Variants in SETBP1 observed in about 807,000 individuals in gnomAD.
SETBP1 encodes SET-binding protein.
In SETBP1, 9 loss-of-function variants were observed where a neutral mutation model predicts 101.0. The observed-to-expected ratio is 0.09, with a 90% CI of 0.05 to 0.16. The LOEUF (loss-of-function observed/expected upper bound fraction) is 0.16. Ranked by LOEUF, SETBP1 falls within the 10% of genes least tolerant of loss-of-function variation. The pLI is 1.00. For missense variants in SETBP1, 1,858 were observed against 2,033.8 expected (o/e 0.91, Z 1.66); for synonymous variants, 818 against 788.5 (o/e 1.04, Z -0.63).
intron 2 of SETBP1, among the ~76,000 whole-genome samples, chr18:44,706,591 C>CAAAAA (rs1018470585): frequency 0.012 from 205 of 16,982 alleles, 49 homozygotes; most frequent in African/African-American, 0.02. Flanking sequence ...GACTCAATCT[C>CAAAAA]AAAAAAAAAA....
chr18:44,941,311 T>A (rs2071084833), intron 3 of SETBP1, among the ~76,000 whole-genome samples: 1 of 152,056 alleles, frequency 6.6e-6, no homozygotes, highest in Admixed American at 6.6e-5. Flanking sequence ...GGTCTTGAAC[T>A]CCTGACCACC....
At chr18:44,919,347 CT>C (rs537734514) in intron 3 of SETBP1, among the ~76,000 whole-genome samples, 386 of 138,754 alleles carry the variant, frequency 2.8e-3, no homozygotes, top group Middle Eastern at 3.9e-3. Flanking sequence ...ATCCCCCCAT[CT>C]TTTTTTTTTT....
At chr18:44,836,959 T>C (rs999184772) in intron 2 of SETBP1, among the ~76,000 whole-genome samples, 1 of 152,232 alleles carries the variant, frequency 6.6e-6, no homozygotes, top group Non-Finnish European at 1.5e-5. Context: ...GCCATGATTT[T>C]ATCTCCATTT....
intron 2 of SETBP1, among the ~76,000 whole-genome samples, chr18:44,708,982 A>C (rs532281324): frequency 6.6e-6 from 1 of 152,344 alleles, no homozygotes; most frequent in African/African-American, 2.4e-5. Flanking sequence ...AAGATCTAAA[A>C]TCATGGGAGC....
chr18:44,724,982 G>C (rs564093835), intron 2 of SETBP1, among the ~76,000 whole-genome samples: 2 of 152,294 alleles, frequency 1.3e-5, no homozygotes, highest in South Asian at 2.1e-4. Flanking sequence ...GTATGAATGT[G>C]CCCTCCTTCC....
intron 4 of SETBP1, among the ~76,000 whole-genome samples, chr18:45,003,556 T>G (rs917810906): frequency 7.2e-5 from 11 of 152,108 alleles, no homozygotes; most frequent in African/African-American, 2.7e-4. Flanking sequence ...AGGAGGCACT[T>G]CCCACTGTAA....
At chr18:44,943,635 A>G (rs2071134454) in intron 3 of SETBP1, among the ~76,000 whole-genome samples, 1 of 152,180 alleles carries the variant, frequency 6.6e-6, no homozygotes, top group South Asian at 2.1e-4. Flanking sequence ...GCTGATGCTA[A>G]CATACAGCCA....
rs569781589 is a variant in SETBP1, at chr18:44,765,325, T to C, written c.486+63493T>C. On this transcript the variant is annotated intron_variant, in intron 2 of 5. Coordinates refer to ENST00000649279, the MANE Select transcript of SETBP1 (RefSeq NM_015559.3). ...AGAAGGAAAGAAGTTTTCCCATTGG[T>C]TTTGTTTCTCTCTCTTTGGAACAAG... Among the ~76,000 whole-genome samples the C allele has an allele frequency of 2.6e-5, 4 of 152,280 alleles. No homozygotes were observed. The South Asian group carries it at 8.3e-4, about 32-fold the overall frequency.
At chr18:44,866,273 A>C (rs1488360315) in intron 2 of SETBP1, among the ~76,000 whole-genome samples, 1 of 152,220 alleles carries the variant, frequency 6.6e-6, no homozygotes, top group African/African-American at 2.4e-5. Flanking sequence ...CCTCCTTCAC[A>C]CAGGAAACAT....
chr18:44,707,042 T>A (rs962000784), intron 2 of SETBP1, among the ~76,000 whole-genome samples: 2 of 152,252 alleles, frequency 1.3e-5, no homozygotes, highest in Non-Finnish European at 2.9e-5. Flanking sequence ...TTAGTCCTCA[T>A]AACAATGCTG....
chr18:44,735,096 A>G (rs890133452), intron 2 of SETBP1, among the ~76,000 whole-genome samples: 7 of 152,360 alleles, frequency 4.6e-5, no homozygotes, highest in African/African-American at 7.2e-5. Context: ...CCACACCTCA[A>G]TGATGTTTCT....
chr18:44,931,988 T>C (rs184627264), intron 3 of SETBP1, among the ~76,000 whole-genome samples: 5 of 152,210 alleles, frequency 3.3e-5, no homozygotes, highest in African/African-American at 1.2e-4. Flanking sequence ...CATTATGATG[T>C]TAGCTGCTTA....
chr18:44,940,492 CAT>C (rs903266810), intron 3 of SETBP1, among the ~76,000 whole-genome samples: 12 of 151,678 alleles, frequency 7.9e-5, no homozygotes, highest in African/African-American at 2.7e-4. Flanking sequence ...TTTTGTAATC[CAT>C]ATGTTTCCTT....
intron 2 of SETBP1, among the ~76,000 whole-genome samples, chr18:44,841,577 C>T (rs571902118): frequency 1.3e-5 from 2 of 152,300 alleles, no homozygotes; most frequent in East Asian, 3.9e-4. Context: ...ATGTAGTACC[C>T]GAGCTACAAG....
intron 2 of SETBP1, among the ~76,000 whole-genome samples, chr18:44,768,136 T>C (rs1212116442): frequency 6.6e-6 from 1 of 152,194 alleles, no homozygotes; most frequent in Non-Finnish European, 1.5e-5. Context: ...TAAGATCTTG[T>C]AGAGTCTGGG....
chr18:44,927,036 A>C (rs191039393), intron 3 of SETBP1, among the ~76,000 whole-genome samples: 8 of 152,320 alleles, frequency 5.3e-5, no homozygotes, highest in Non-Finnish European at 7.4e-5. Context: ...GATTGGAGAC[A>C]GGAGACTGTG....
intron 2 of SETBP1, among the ~76,000 whole-genome samples, chr18:44,768,379 T>C (rs1443149501): frequency 6.6e-6 from 1 of 152,172 alleles, no homozygotes; most frequent in Non-Finnish European, 1.5e-5. Flanking sequence ...TCATGGTGTA[T>C]GTGTGTGTAT....
At chr18:44,942,301 A>G (rs1011894192) in intron 3 of SETBP1, among the ~76,000 whole-genome samples, 1 of 152,168 alleles carries the variant, frequency 6.6e-6, no homozygotes, top group Admixed American at 6.5e-5. Context: ...TAAGGACTCT[A>G]TGTTTAGCTG....
intron 2 of SETBP1, among the ~76,000 whole-genome samples, chr18:44,858,894 C>G (rs1051666998): frequency 6.6e-6 from 1 of 152,106 alleles, no homozygotes; most frequent in African/African-American, 2.4e-5. Context: ...AATTGCCCAC[C>G]TATATGATCA....
Sources: allele counts gnomAD v4.1 joint callset (sites outside exome capture counted in the v4.1 genomes callset), GRCh38; gene constraint gnomAD v4.1.1; transcripts MANE v1.5; gene names NCBI Gene and HGNC (gene_info 2026-07-23, HGNC 2026-07-21).